Variants in METAP1 observed in about 807,000 individuals in gnomAD.
The protein encoded by METAP1 is methionyl aminopeptidase 1.
METAP1 carries 28 observed loss-of-function variants against 53.8 expected under a neutral mutation model. The ratio of observed to expected loss-of-function variants is 0.52; its 90% CI spans 0.39 to 0.71. The LOEUF (loss-of-function observed/expected upper bound fraction) is 0.71. Ranked by LOEUF, METAP1 falls within the 30% of genes least tolerant of loss-of-function variation. The pLI is 0.00. For missense variants in METAP1, 389 were observed against 479.8 expected, an observed-to-expected ratio of 0.81 and a Z score of 1.77; for synonymous variants, 181 against 165.7, an observed-to-expected ratio of 1.09 and a Z score of -0.71.
chr4:99,028,255 T>C (rs1397266844), intron 1 of METAP1, among the ~76,000 whole-genome samples: 1 of 152,232 alleles, frequency 6.6e-6, no homozygotes, highest in Non-Finnish European at 1.5e-5. Context: ...GTCTGAAATA[T>C]GTTACATGAA....
At chr4:99,043,227 A>C (rs756194552) in intron 6 of METAP1, 22 bp from the exon 7 acceptor site, 1 of 1,489,602 alleles carries the variant, frequency 6.7e-7, no homozygotes, top group South Asian at 1.3e-5. Context: ...ATATATTCCA[A>C]ATTATTTTTT....
chr4:99,037,887 A>G (rs1241775447), intron 4 of METAP1: 1 of 151,966 alleles, frequency 6.6e-6, no homozygotes, highest in Non-Finnish European at 1.5e-5. Context: ...TTTATAGATT[A>G]ATTTTGGAAG....
At chr4:99,041,685 A>T (rs1030600891) in intron 6 of METAP1, among the ~76,000 whole-genome samples, 2 of 152,042 alleles carry the variant, frequency 1.3e-5, no homozygotes, top group Admixed American at 1.3e-4. Context: ...TGGAAAGCAG[A>T]TCACACGTGT....
At chr4:99,025,345 A>G (rs1724485488) in intron 1 of METAP1, 3 of 981,132 alleles carry the variant, frequency 3.1e-6, no homozygotes, top group Non-Finnish European at 3.6e-6. Context: ...TTTGAGTTAT[A>G]ATTTTGCAGT....
intron 3 of METAP1, 29 bp downstream of exon 3, chr4:99,034,371 T>G: frequency 7.7e-7 from 1 of 1,302,836 alleles, no homozygotes; most frequent in Non-Finnish European, 1.1e-6. Context: ...AAAAACAACA[T>G]TCCAATTTTG....
At chr4:99,040,936 T>G (rs1725814882) in intron 5 of METAP1, 107 bp from the exon 6 acceptor site, 1 of 454,688 alleles carries the variant, frequency 2.2e-6, no homozygotes, top group Non-Finnish European at 3.9e-6. Context: ...ATTATAATAT[T>G]CAAGGGGAGA....
At chr4:99,056,394 T>C (rs1727119976) in intron 9 of METAP1, among the ~76,000 whole-genome samples, 1 of 152,160 alleles carries the variant, frequency 6.6e-6, no homozygotes, top group Admixed American at 6.5e-5. Flanking sequence ...GTCACTGTAA[T>C]TTATTGTTGT....
In METAP1 at chr4:99,061,261, G is replaced by C. The variant is rs748247308; in HGVS notation, c.1105G>C (p.Glu369Gln). The part of the protein sequence containing the change: ...HTLLVTDTGC[E>Q]ILTRRLDSAR... ...CCTCCTGGTCACAGACACTGGCTGTGAAATCCTAACCCGGCGACTTGACAG... is the reference window on the plus strand; with the variant it reads ...CCTCCTGGTCACAGACACTGGCTGTCAAATCCTAACCCGGCGACTTGACAG... The change falls in exon 11 of 11, where the codon GAA (glutamate) becomes CAA (glutamine). Residue 369 changes from glutamate (E) to glutamine (Q), a missense_variant. By Grantham distance (29) the Glu-to-Gln change is conservative. Coordinates refer to ENST00000296411, the MANE Select transcript of METAP1 (RefSeq NM_015143.3). 1.9e-6 allele frequency: 3 copies of C among 1,613,954 alleles called. No homozygotes were observed. The highest frequency in any genetic ancestry group is 2.5e-6 in the Non-Finnish European group (3 of 1,179,860).
intron 1 of METAP1, among the ~76,000 whole-genome samples, chr4:98,997,148 A>G (rs1305919041): frequency 1.3e-5 from 2 of 152,266 alleles, no homozygotes; most frequent in Non-Finnish European, 2.9e-5. Flanking sequence ...ATGAAGGCAG[A>G]TATATGAACA....
intron 1 of METAP1, among the ~76,000 whole-genome samples, chr4:99,002,749 G>A (rs537005050): frequency 1.3e-5 from 2 of 152,272 alleles, no homozygotes; most frequent in South Asian, 4.1e-4. Flanking sequence ...ATACACCAGA[G>A]CTGTGCCATG....
chr4:99,028,578 G>A (rs1724748680), intron 1 of METAP1, among the ~76,000 whole-genome samples: 1 of 152,062 alleles, frequency 6.6e-6, no homozygotes, highest in African/African-American at 2.4e-5. Flanking sequence ...TGATTCTTTT[G>A]AAATACTTCG....
intron 3 of METAP1, among the ~76,000 whole-genome samples, chr4:99,034,906 G>C (rs972008863): frequency 2.0e-5 from 3 of 152,060 alleles, no homozygotes; most frequent in African/African-American, 7.2e-5. Flanking sequence ...CTTAATGTAA[G>C]AATTCATTCA....
chr4:99,032,209 CG>C (rs985554278), intron 2 of METAP1, among the ~76,000 whole-genome samples: 7 of 147,516 alleles, frequency 4.7e-5, no homozygotes, highest in African/African-American at 7.9e-5. Context: ...GCTTTACATT[CG>C]TTTTTTTTTT....
At chr4:99,038,076 T>G (rs1443301222) in intron 4 of METAP1, 1 of 151,982 alleles carries the variant, frequency 6.6e-6, no homozygotes, top group Non-Finnish European at 1.5e-5. Context: ...ACATAATAGC[T>G]TCTGTATTTT....
chr4:99,023,554 AAG>A lies in METAP1; in HGVS notation c.115-5304_115-5303del, dbSNP rs542310034. On this transcript the variant is annotated intron_variant, in intron 1 of 10. Transcript: ENST00000296411. ...TGATGTTAGATTTGAGATGGTGGAA[AAG>A]AGAGAGAGGTAATACAGGATCTTAA... 1,662 of 985,386 alleles carry A rather than the reference AAG, an allele frequency of 1.7e-3. 3 individuals are homozygous for A. Among genetic ancestry groups the A allele is most frequent in the Middle Eastern group, 4.2e-3 (8 of 1,914 alleles). 61.0% of individuals were successfully genotyped at this position (985,386 alleles called of 1,614,324 possible). A position where few individuals can be genotyped will look rare whatever the true frequency, so the allele number is the denominator to read the frequency against.
chr4:99,050,873 C>T (rs28575896), intron 9 of METAP1, among the ~76,000 whole-genome samples: 2,065 of 152,258 alleles, frequency 0.014, 40 homozygotes, highest in African/African-American at 0.047. Context: ...AAACCGGTCC[C>T]TAGTGCAAAA....
intron 9 of METAP1, among the ~76,000 whole-genome samples, chr4:99,055,390 CAA>C (rs34092755): frequency 0.065 from 7,907 of 122,224 alleles, 291 homozygotes; most frequent in African/African-American, 0.14. Context: ...GAGTCCATCT[CAA>C]AAAAAAAAAA....
chr4:99,051,564 A>G (rs1010041886), intron 9 of METAP1, among the ~76,000 whole-genome samples: 2 of 150,894 alleles, frequency 1.3e-5, no homozygotes, highest in Non-Finnish European at 2.9e-5. Context: ...GCTAATTTTT[A>G]TATTTTTGTA....
chr4:99,041,476 G>A (rs1725863227), intron 6 of METAP1, among the ~76,000 whole-genome samples: 1 of 151,990 alleles, frequency 6.6e-6, no homozygotes, highest in African/African-American at 2.4e-5. Context: ...AAAAGAATAT[G>A]ACTTCTGATG....
Sources: allele counts gnomAD v4.1 joint callset (sites outside exome capture counted in the v4.1 genomes callset), GRCh38; gene constraint gnomAD v4.1.1; transcripts MANE v1.5; gene names NCBI Gene and HGNC (gene_info 2026-07-23, HGNC 2026-07-21).